CCDC148: variants seen among roughly 807,000 people sequenced by gnomAD.
The protein encoded by CCDC148 is coiled-coil domain-containing protein 148.
A neutral mutation model predicts 85.7 loss-of-function variants in CCDC148; 89 were observed. The observed-to-expected ratio is 1.04, with a 90% confidence interval of 0.87 to 1.24. CCDC148 has a LOEUF of 1.24. Ranked by LOEUF, CCDC148 falls within the 50% of genes most tolerant of loss-of-function variation. The pLI, the probability that CCDC148 is intolerant of heterozygous loss-of-function variation, is 0.00. For missense variants in CCDC148, 692 were observed against 671.7 expected (o/e 1.03, Z -0.33); for synonymous variants, 230 against 213.9 (o/e 1.08, Z -0.66).
rs559137297 is a variant in CCDC148 at position 158,381,786 on chromosome 2, G to A, written c.26-23216C>T. On this transcript the variant is annotated intron_variant, in intron 1 of 13. Transcript: ENST00000283233. ...ATGCCTATCACCTTCTCAGAAAGCTGAAGTGGGAGGATGGCTTGAGCCCAG... is the reference window on the plus strand; with the variant it reads ...ATGCCTATCACCTTCTCAGAAAGCTAAAGTGGGAGGATGGCTTGAGCCCAG... Among the ~76,000 whole-genome samples the A allele has an allele frequency of 7.2e-5, 11 of 152,184 alleles. No individual in the cohort carries two copies. In the South Asian group the frequency reaches 2.3e-3, roughly 32 times the overall value.
intron 3 of CCDC148, among the ~76,000 whole-genome samples, chr2:158,343,586 G>A (rs562122491): frequency 5.3e-5 from 8 of 152,134 alleles, no homozygotes; most frequent in Admixed American, 2.6e-4. Context: ...CTTATCCTCC[G>A]CCTGCCTGAG....
intron 9 of CCDC148, among the ~76,000 whole-genome samples, chr2:158,263,430 G>A (rs1574502304): frequency 6.6e-6 from 1 of 151,840 alleles, no homozygotes; most frequent in Non-Finnish European, 1.5e-5. Context: ...CACTTTACAT[G>A]TGTATCCCAC....
chr2:158,261,874 G>A (rs1689239342), intron 9 of CCDC148, among the ~76,000 whole-genome samples: 1 of 152,006 alleles, frequency 6.6e-6, no homozygotes, highest in South Asian at 2.1e-4. Context: ...AGAGATGCTG[G>A]CAAGGTTGTG....
chr2:158,358,642 G>T, intron 1 of CCDC148, 72 bp from the exon 2 acceptor site: 1 of 1,007,704 alleles, frequency 9.9e-7, no homozygotes, highest in Non-Finnish European at 1.4e-6. Flanking sequence ...TATAATTAGG[G>T]CAACATGTTG....
chr2:158,202,620 A>G (rs1336076282), intron 11 of CCDC148, among the ~76,000 whole-genome samples: 1 of 152,190 alleles, frequency 6.6e-6, no homozygotes. Context: ...GCATCTATTC[A>G]ACTCTGTCAC....
intron 1 of CCDC148, among the ~76,000 whole-genome samples, chr2:158,432,216 A>T (rs75476717): frequency 0.075 from 11,304 of 151,014 alleles, 569 homozygotes; most frequent in Middle Eastern, 0.12. Flanking sequence ...AAAGAAAATT[A>T]AAAAAAAGAT....
rs149713143 is a variant in CCDC148 at position 158,278,821 on chromosome 2, C to T, written c.1111-27909G>A. Among the ~76,000 whole-genome samples the T allele has an allele frequency of 4.8e-3, 725 of 152,368 alleles. 1 individual carries two copies. The highest frequency in any genetic ancestry group is 0.016 in the African/African-American group (663 of 41,598). ...GGAGATCTGAGAACGGGCAGACTGC[C>T]TCCTCAAGTGGGTCTCCGACCCCTG... On this transcript the variant is annotated intron_variant, in intron 9 of 13. Coordinates refer to ENST00000283233, the MANE Select transcript of CCDC148 (RefSeq NM_138803.4).
chr2:158,202,148 GGAGA>G (rs1685998685), intron 11 of CCDC148, among the ~76,000 whole-genome samples: 1 of 152,148 alleles, frequency 6.6e-6, no homozygotes, highest in Non-Finnish European at 1.5e-5. Context: ...GAAAAAGGTG[GGAGA>G]GAAAGAAAAA....
At chr2:158,326,255 C>T (rs960365851) in intron 7 of CCDC148, among the ~76,000 whole-genome samples, 1 of 152,132 alleles carries the variant, frequency 6.6e-6, no homozygotes, top group Non-Finnish European at 1.5e-5. Flanking sequence ...CTAGTTCTCC[C>T]AACCCCGTCT....
intron 11 of CCDC148, among the ~76,000 whole-genome samples, chr2:158,200,038 T>C (rs1159530766): frequency 6.6e-6 from 1 of 152,132 alleles, no homozygotes; most frequent in Non-Finnish European, 1.5e-5. Context: ...CAGATCATTG[T>C]GATGGCAGGG....
chr2:158,440,497 T>C (rs60531812), intron 1 of CCDC148, among the ~76,000 whole-genome samples: 9,018 of 152,200 alleles, frequency 0.059, 402 homozygotes, highest in Admixed American at 0.11. Flanking sequence ...AGGAGATGCA[T>C]TCAAGACCCC....
chr2:158,443,623 A>G (rs1688040332), intron 1 of CCDC148, among the ~76,000 whole-genome samples: 1 of 152,220 alleles, frequency 6.6e-6, no homozygotes, highest in Non-Finnish European at 1.5e-5. Context: ...TAAGGGCTAT[A>G]GCAATGTGAT....
intron 1 of CCDC148, among the ~76,000 whole-genome samples, chr2:158,427,435 G>A (rs1259693429): frequency 6.6e-6 from 1 of 151,982 alleles, no homozygotes; most frequent in African/African-American, 2.4e-5. Context: ...GTATTTAAAG[G>A]GAAAAAAGGG....
chr2:158,275,078 A>G (rs753009584), intron 9 of CCDC148, among the ~76,000 whole-genome samples: 7 of 152,262 alleles, frequency 4.6e-5, no homozygotes, highest in Non-Finnish European at 7.3e-5. Flanking sequence ...GAGGAGGAAG[A>G]AGAAACACTT....
At chr2:158,317,632 A>G (rs988268339) in intron 7 of CCDC148, among the ~76,000 whole-genome samples, 1 of 152,218 alleles carries the variant, frequency 6.6e-6, no homozygotes, top group African/African-American at 2.4e-5. Flanking sequence ...TGGTCCTCAT[A>G]GCCATGTTTA....
chr2:158,293,647 G>C (rs548207779), intron 9 of CCDC148, among the ~76,000 whole-genome samples: 2 of 152,206 alleles, frequency 1.3e-5, no homozygotes, highest in East Asian at 3.9e-4. Context: ...GGACCCTATG[G>C]TTGGCCTTAG....
intron 1 of CCDC148, among the ~76,000 whole-genome samples, chr2:158,402,447 G>C (rs1685824243): frequency 6.7e-6 from 1 of 148,654 alleles, no homozygotes; most frequent in South Asian, 2.1e-4. Flanking sequence ...AAAAAAAAAA[G>C]GTATATCAAA....
chr2:158,241,096 T>C (rs72995413), intron 10 of CCDC148, among the ~76,000 whole-genome samples: 7,463 of 152,200 alleles, frequency 0.049, 611 homozygotes, highest in African/African-American at 0.17. Flanking sequence ...CGCTCCAACT[T>C]AGGTTAATGT....
chr2:158,441,726 T>C (rs1382471589), intron 1 of CCDC148, among the ~76,000 whole-genome samples: 1 of 152,164 alleles, frequency 6.6e-6, no homozygotes, highest in Non-Finnish European at 1.5e-5. Context: ...TTTGTCAATA[T>C]TGTTTAGTAT....
Sources: allele counts gnomAD v4.1 joint callset (sites outside exome capture counted in the v4.1 genomes callset), GRCh38; gene constraint gnomAD v4.1.1; transcripts MANE v1.5; gene names NCBI Gene and HGNC (gene_info 2026-07-23, HGNC 2026-07-21).